Variants in NCOR2 observed in about 807,000 individuals in gnomAD.
NCOR2 encodes the protein nuclear receptor corepressor 2.
NCOR2 carries 81 observed loss-of-function variants against 262.9 expected under a neutral mutation model. That is an observed-to-expected ratio of 0.31 (90% CI 0.26 to 0.37). The LOEUF (loss-of-function observed/expected upper bound fraction) is 0.37. Among genes scored for constraint, NCOR2 ranks in the 10% least tolerant of loss-of-function variants. NCOR2 has a pLI of 1.00. For synonymous variants in NCOR2, 1,659 were observed against 1,559.3 expected (o/e 1.06, Z -1.51); for missense variants, 3,385 against 3,621.4 (o/e 0.93, Z 1.68).
In NCOR2 at chr12:124,430,604, G is replaced by GCCC. The variant is rs1466069972; in HGVS notation, c.1055+8_1055+10dup. 1 of 1,603,798 alleles carries GCCC rather than the reference G, an allele frequency of 6.2e-7. No individual in the cohort carries two copies. Among genetic ancestry groups the GCCC allele is most frequent in the Non-Finnish European group, 8.5e-7 (1 of 1,174,094 alleles). On this transcript the variant is annotated intron_variant, in intron 9 of 46. Transcript: ENST00000405201. ...CTGACGTCGGGGGCCCTGGGCTCAG[G>GCCC]CCCCGCTCACCTCTGCATGCGCTCC... is the stretch of plus-strand genomic sequence containing the variant.
chr12:124,336,743 G>T lies in NCOR2; in HGVS notation c.6115+10C>A. On this transcript the variant is annotated intron_variant, in intron 38 of 46. Transcript: ENST00000405201. ...GTCTATGAAGGTGGCCGCTGTCAGG[G>T]TGGTCTTACCCAGAGAACGGAGTTC... The T allele has an allele frequency of 1.9e-6, 3 of 1,612,336 alleles. No individual in the cohort carries two copies. Among genetic ancestry groups the T allele is most frequent in the Non-Finnish European group, 2.5e-6 (3 of 1,179,496 alleles).
intron 38 of NCOR2, 197 bp downstream of exon 40, chr12:124,336,556 A>G: frequency 1.0e-6 from 1 of 970,198 alleles, no homozygotes; most frequent in Non-Finnish European, 1.2e-6. Context: ...AACAACAAAA[A>G]AAACGGGGGC....
At chr12:124,474,021 T>C (rs1261689708) in intron 3 of NCOR2, among the ~76,000 whole-genome samples, 1 of 152,186 alleles carries the variant, frequency 6.6e-6, no homozygotes, top group Non-Finnish European at 1.5e-5. Context: ...TCCCAGCCTC[T>C]CCTCAAGTTG....
chr12:124,380,914 G>A (rs891603370), intron 17 of NCOR2, among the ~76,000 whole-genome samples: 4 of 152,202 alleles, frequency 2.6e-5, no homozygotes, highest in African/African-American at 7.2e-5. Flanking sequence ...GGCACTGTGG[G>A]ATCAGGAGGT....
chr12:124,420,144 T>C (rs1593457213), intron 12 of NCOR2, 89 bp from the exon 15 acceptor site: 1 of 1,092,674 alleles, frequency 9.2e-7, no homozygotes, highest in South Asian at 1.3e-5. Flanking sequence ...GCTCATATCC[T>C]GCCTCTTCCA....
chr12:124,413,929 C>G (rs951230012), intron 13 of NCOR2, among the ~76,000 whole-genome samples: 1 of 150,810 alleles, frequency 6.6e-6, no homozygotes, highest in Admixed American at 6.6e-5. Context: ...GAGCCCCCCC[C>G]ACCCCAGGAC....
At chr12:124,339,907 C>CA in intron 37 of NCOR2, 99 bp downstream of exon 39, 7 of 927,200 alleles carry the variant, frequency 7.5e-6, no homozygotes, top group East Asian at 2.9e-5. Context: ...ACCCACCCAC[C>CA]TCCCATATAC....
At chr12:124,455,665 G>A (rs776827545) in intron 6 of NCOR2, among the ~76,000 whole-genome samples, 1 of 152,348 alleles carries the variant, frequency 6.6e-6, no homozygotes, top group South Asian at 2.1e-4. Flanking sequence ...ACTACTGAGC[G>A]CTTCGTAGGG....
rs1268317926 is a variant in NCOR2, at chr12:124,426,809, A to C, written c.1150-9T>G. 1.9e-6 allele frequency: 3 copies of C among 1,566,986 alleles called. No individual in the cohort carries two copies. The highest frequency in any genetic ancestry group is 4.6e-5 in the East Asian group (2 of 43,410). ...ATCTGCTTCTCCAGGTTCTGCAGGGAAACGGAGGGCAGGGTCAGAGGCCCA... is the reference window on the plus strand; with the variant it reads ...ATCTGCTTCTCCAGGTTCTGCAGGGCAACGGAGGGCAGGGTCAGAGGCCCA... On this transcript the variant is annotated splice_polypyrimidine_tract_variant and intron_variant, in intron 10 of 46. Coordinates refer to ENST00000405201, the Ensembl canonical transcript of NCOR2.
At chr12:124,428,086 T>TGTGTGTGTGTGTGTGTGTGTGTGTGA in intron 10 of NCOR2, among the ~76,000 whole-genome samples, 1 of 147,166 alleles carries the variant, frequency 6.8e-6, no homozygotes, top group African/African-American at 2.5e-5. Flanking sequence ...TGTGTGTGTG[T>TGTGTGTGTGTGTGTGTGTGTGTGTGA]GTACATGCAA....
intron 41 of NCOR2, 104 bp from the exon 44 acceptor site, chr12:124,333,383 G>A: frequency 1.8e-6 from 2 of 1,098,162 alleles, no homozygotes. Flanking sequence ...TCCTGTACGT[G>A]GCCAAATCAT....
intron 13 of NCOR2, among the ~76,000 whole-genome samples, chr12:124,407,343 G>A (rs576606869): frequency 1.3e-5 from 2 of 152,350 alleles, no homozygotes; most frequent in East Asian, 1.9e-4. Flanking sequence ...CATGCAGGGC[G>A]AGGGAAGGGG....
chr12:124,524,118 T>C (rs2050334151), intron 1 of NCOR2, among the ~76,000 whole-genome samples: 9 of 152,232 alleles, frequency 5.9e-5, no homozygotes, highest in Admixed American at 5.9e-4. Context: ...TAAAAGTCAC[T>C]GCTAAGAAGA....
At chr12:124,494,683 G>A (rs1452759214) in intron 1 of NCOR2, among the ~76,000 whole-genome samples, 1 of 152,138 alleles carries the variant, frequency 6.6e-6, no homozygotes, top group Admixed American at 6.5e-5. Flanking sequence ...CCTCACCTCA[G>A]AGCCTCGAGC....
exon 47 of NCOR2, chr12:124,325,489 C>G (rs977063808): frequency 7.4e-7 from 1 of 1,349,888 alleles, no homozygotes; most frequent in Non-Finnish European, 9.5e-7. Context: ...CAGCGAGGGG[C>G]CCGCTGCCCG....
intron 16 of NCOR2, among the ~76,000 whole-genome samples, chr12:124,392,055 C>T (rs993907115): frequency 1.3e-5 from 2 of 152,190 alleles, no homozygotes; most frequent in African/African-American, 4.8e-5. Context: ...TGTGTACACA[C>T]GCGTGTGGAG....
intron 16 of NCOR2, among the ~76,000 whole-genome samples, chr12:124,386,128 C>G (rs1307856805): frequency 3.3e-5 from 5 of 152,290 alleles, no homozygotes; most frequent in African/African-American, 1.2e-4. Flanking sequence ...GACTCCAGGC[C>G]AGGATGCATG....
chr12:124,398,064 T>A (rs767883259), intron 16 of NCOR2, 55 bp downstream of exon 18: 1 of 1,604,708 alleles, frequency 6.2e-7, no homozygotes, highest in Non-Finnish European at 8.5e-7. Flanking sequence ...GCACGTGAGC[T>A]TCAGGCGCCC....
chr12:124,461,433 C>A (rs1463455759), intron 5 of NCOR2, among the ~76,000 whole-genome samples: 1 of 152,250 alleles, frequency 6.6e-6, no homozygotes. Flanking sequence ...CAGTGGCACC[C>A]CTGCAGAGAC....
Sources: allele counts gnomAD v4.1 joint callset (sites outside exome capture counted in the v4.1 genomes callset), GRCh38; gene constraint gnomAD v4.1.1; transcripts MANE v1.5; gene names NCBI Gene and HGNC (gene_info 2026-07-23, HGNC 2026-07-21).